The following CDH9 variants were observed in gnomAD, a reference collection of about 807,000 sequenced individuals.
CDH9 encodes the protein cadherin 9, also known as cadherin-9.
In CDH9, 28 loss-of-function variants were observed where a neutral mutation model predicts 70.9. That is an observed-to-expected ratio of 0.40 (90% CI 0.29 to 0.54). CDH9 has a LOEUF of 0.54. Among genes scored for constraint, CDH9 ranks in the 20% least tolerant of loss-of-function variants. The pLI, the probability that CDH9 is intolerant of heterozygous loss-of-function variation, is 0.59. For missense variants in CDH9, 874 were observed against 984.4 expected, an observed-to-expected ratio of 0.89 and a Z score of 1.50; for synonymous variants, 409 against 343.1, an observed-to-expected ratio of 1.19 and a Z score of -2.12.
chr5:27,001,939 G>A (rs2112106422), intron 1 of CDH9, among the ~76,000 whole-genome samples: 1 of 151,586 alleles, frequency 6.6e-6, no homozygotes, highest in East Asian at 1.9e-4. Context: ...AATTCACAGT[G>A]ACCAAAGTTG....
intron 1 of CDH9, among the ~76,000 whole-genome samples, chr5:26,993,661 G>T (rs941514386): frequency 2.4e-5 from 3 of 123,420 alleles, no homozygotes; most frequent in African/African-American, 9.9e-5. Context: ...TGGATTTCTT[G>T]GATTTTATAG....
At chr5:26,918,734 ATCTTCTCC>A (rs1741191845) in intron 2 of CDH9, among the ~76,000 whole-genome samples, 1 of 152,194 alleles carries the variant, frequency 6.6e-6, no homozygotes, top group African/African-American at 2.4e-5. Flanking sequence ...CAATGTATCA[ATCTTCTCC>A]TGCCTTTGGA....
At position 26,881,367 on chromosome 5, in the gene CDH9, T is replaced by A; in HGVS notation, c.2139A>T (p.Gln713His). 6.2e-7 allele frequency: 1 copy of A among 1,613,698 alleles called. No homozygotes were observed. The highest frequency in any genetic ancestry group is 8.5e-7 in the Non-Finnish European group (1 of 1,179,704). ...TVPLWENIDV[Q>H]DFIHRRLKEN... is the part of the protein sequence containing the mutation. ...CTTTTAATCTTCGATGGATAAAATC[T>A]TGTACATCAATATTTTCCCACAGAG... Residue 713 changes from glutamine to histidine, a missense_variant, in exon 12 of 12, where the codon CAA becomes CAT. Transcript: ENST00000231021.
At chr5:27,020,350 C>CT (rs1561043167) in intron 1 of CDH9, among the ~76,000 whole-genome samples, 1 of 151,382 alleles carries the variant, frequency 6.6e-6, no homozygotes, top group South Asian at 2.1e-4. Flanking sequence ...TACTTAACTT[C>CT]TTTTTTTCTG....
chr5:26,981,161 C>A (rs1561027527), intron 2 of CDH9, among the ~76,000 whole-genome samples: 2 of 152,036 alleles, frequency 1.3e-5, no homozygotes, highest in Non-Finnish European at 1.5e-5. Flanking sequence ...AATTCTCCCT[C>A]CAGTAATCTA....
Position 26,902,686 on chromosome 5 carries a change from T to C in CDH9, c.1043A>G (p.Asp348Gly). Reference sequence around the variant, plus strand: ...TGGATCAGGGTGAGTGTTACTTGCATCCACTCTTAAAGTATAGAGCATTTG... The same window carrying C: ...TGGATCAGGGTGAGTGTTACTTGCACCCACTCTTAAAGTATAGAGCATTTG... ...ENQMLYTLRV[D>G]ASNTHPDPRF... The change falls in exon 7 of 12, where the codon GAT (aspartate) becomes GGT (glycine). Residue 348 changes from aspartate to glycine, a missense_variant. Coordinates refer to ENST00000231021, the MANE Select transcript of CDH9 (RefSeq NM_016279.4). 6.4e-7 allele frequency: 1 copy of C among 1,574,426 alleles called. No homozygotes were observed. Among genetic ancestry groups the C allele is most frequent in the South Asian group, 1.1e-5 (1 of 90,166 alleles).
chr5:26,941,482 C>T (rs1319433186), intron 2 of CDH9, among the ~76,000 whole-genome samples: 1 of 152,184 alleles, frequency 6.6e-6, no homozygotes, highest in Non-Finnish European at 1.5e-5. Context: ...CTCAGCTGCT[C>T]CCTGTCATTG....
At chr5:26,912,942 G>T in intron 3 of CDH9, among the ~76,000 whole-genome samples, 1 of 152,048 alleles carries the variant, frequency 6.6e-6, no homozygotes. Flanking sequence ...TTAAAAACAG[G>T]AGTTTCCCTG....
At chr5:26,961,999 C>G (rs114420363) in intron 2 of CDH9, among the ~76,000 whole-genome samples, 2,666 of 152,206 alleles carry the variant, frequency 0.018, 71 homozygotes, top group African/African-American at 0.061. Flanking sequence ...CCAACAAGCC[C>G]TGGTGTGTGA....
intron 1 of CDH9, among the ~76,000 whole-genome samples, chr5:27,037,538 T>C (rs901338173): frequency 5.3e-5 from 8 of 151,954 alleles, no homozygotes; most frequent in African/African-American, 1.9e-4. Context: ...CTGTCAATAC[T>C]AAAGAATTTT....
chr5:26,971,684 C>T (rs553054977), intron 2 of CDH9, among the ~76,000 whole-genome samples: 3 of 152,124 alleles, frequency 2.0e-5, no homozygotes, highest in African/African-American at 7.2e-5. Flanking sequence ...TGTATACATG[C>T]CTGCAGCATG....
chr5:26,909,857 T>C (rs1741018169), intron 3 of CDH9, among the ~76,000 whole-genome samples: 2 of 151,940 alleles, frequency 1.3e-5, no homozygotes, highest in Non-Finnish European at 2.9e-5. Context: ...TGAAGAAATG[T>C]TAAAAGCTGA....
chr5:26,885,935 A>G (rs1740558984), intron 10 of CDH9, 31 bp downstream of exon 10: 3 of 1,588,912 alleles, frequency 1.9e-6, no homozygotes, highest in Admixed American at 1.8e-5. Flanking sequence ...TTAAAGTTTC[A>G]TAATTTTTAG....
chr5:26,934,248 T>A (rs1242577387), intron 2 of CDH9, among the ~76,000 whole-genome samples: 4 of 152,130 alleles, frequency 2.6e-5, no homozygotes, highest in Non-Finnish European at 1.5e-5. Flanking sequence ...GGCAGATGTC[T>A]TGACCCCATG....
intron 2 of CDH9, among the ~76,000 whole-genome samples, chr5:26,973,885 A>G (rs191254830): frequency 2.6e-4 from 39 of 152,328 alleles, no homozygotes; most frequent in Non-Finnish European, 4.7e-4. Context: ...CTTGCATAGT[A>G]TGTTTTAAAA....
chr5:27,016,220 C>T (rs1178036358), intron 1 of CDH9, among the ~76,000 whole-genome samples: 8 of 151,620 alleles, frequency 5.3e-5, no homozygotes, highest in South Asian at 2.1e-4. Context: ...CTTGGATTTT[C>T]GAGAACACTG....
chr5:26,951,908 G>C (rs1444102182), intron 2 of CDH9, among the ~76,000 whole-genome samples: 1 of 151,164 alleles, frequency 6.6e-6, no homozygotes, highest in Non-Finnish European at 1.5e-5. Context: ...GTATGCTATG[G>C]CTCACATGTT....
intron 2 of CDH9, among the ~76,000 whole-genome samples, chr5:26,925,340 A>T (rs1741317834): frequency 6.6e-6 from 1 of 152,136 alleles, no homozygotes; most frequent in Admixed American, 6.5e-5. Flanking sequence ...GGCTGCATAA[A>T]TGTCTTCTTT....
chr5:27,004,200 AT>A (rs1169329531), intron 1 of CDH9, among the ~76,000 whole-genome samples: 1 of 151,774 alleles, frequency 6.6e-6, no homozygotes, highest in Non-Finnish European at 1.5e-5. Context: ...ACATGATGAT[AT>A]CAATGGGAAC....
Sources: gnomAD v4.1 joint callset for allele counts (sites outside exome capture counted in the v4.1 genomes callset) on GRCh38, gnomAD v4.1.1 for gene constraint, MANE v1.5 for transcripts, NCBI Gene and HGNC (gene_info 2026-07-23, HGNC 2026-07-21) for gene names.